AKAP6: variants seen among roughly 807,000 people sequenced by gnomAD.
The protein encoded by AKAP6 is A-kinase anchor protein 6.
AKAP6 carries 58 observed loss-of-function variants against 188.5 expected under a neutral mutation model. That is an observed-to-expected ratio of 0.31 (90% CI 0.25 to 0.38). The LOEUF is 0.38. Among genes scored for constraint, AKAP6 ranks in the 10% least tolerant of loss-of-function variants. The pLI is 1.00. For missense variants in AKAP6, 2,710 were observed against 2,740.0 expected (o/e 0.99, Z 0.24); for synonymous variants, 989 against 998.6 (o/e 0.99, Z 0.18).
intron 2 of AKAP6, among the ~76,000 whole-genome samples, chr14:32,463,118 AC>A (rs1408484369): frequency 6.6e-6 from 1 of 152,246 alleles, no homozygotes; most frequent in East Asian, 1.9e-4. Context: ...TTAGAGACTG[AC>A]AAAGAGACTT....
intron 9 of AKAP6, among the ~76,000 whole-genome samples, chr14:32,719,929 A>C (rs1318310771): frequency 6.6e-6 from 1 of 152,126 alleles, no homozygotes; most frequent in Non-Finnish European, 1.5e-5. Context: ...GATTTAAACA[A>C]ACTTGGTGCC....
intron 7 of AKAP6, among the ~76,000 whole-genome samples, chr14:32,655,056 G>A (rs943845241): frequency 2.6e-5 from 4 of 152,134 alleles, no homozygotes; most frequent in South Asian, 2.1e-4. Context: ...AGAAAAATTC[G>A]TCAAATAGGA....
At chr14:32,653,922 C>A (rs907301319) in intron 7 of AKAP6, among the ~76,000 whole-genome samples, 1 of 152,088 alleles carries the variant, frequency 6.6e-6, no homozygotes, top group African/African-American at 2.4e-5. Flanking sequence ...GTGGCACTTT[C>A]TGAGTTTCTG....
intron 7 of AKAP6, among the ~76,000 whole-genome samples, chr14:32,615,940 A>T (rs755543665): frequency 1.3e-5 from 2 of 152,142 alleles, no homozygotes; most frequent in Non-Finnish European, 2.9e-5. Flanking sequence ...CTACATGGTG[A>T]CTTTGTTCAC....
At chr14:32,397,529 C>T (rs988139093) in intron 1 of AKAP6, among the ~76,000 whole-genome samples, 6 of 152,062 alleles carry the variant, frequency 3.9e-5, no homozygotes, top group African/African-American at 1.2e-4. Flanking sequence ...AGGTGCTTGC[C>T]ACTGTTCCTG....
chr14:32,694,296 G>A (rs1890305149), intron 8 of AKAP6, among the ~76,000 whole-genome samples: 1 of 151,676 alleles, frequency 6.6e-6, no homozygotes. Context: ...GGGAGGCGGA[G>A]CTTGCAGTAG....
At chr14:32,779,415 C>CA (rs56103737) in intron 12 of AKAP6, among the ~76,000 whole-genome samples, 26,087 of 105,240 alleles carry the variant, frequency 0.25, 3,892 homozygotes, top group East Asian at 0.48. Context: ...GTCTCAGGAC[C>CA]AAAAAAAAAA....
intron 12 of AKAP6, among the ~76,000 whole-genome samples, chr14:32,812,221 C>T (rs1457867630): frequency 6.6e-6 from 1 of 152,104 alleles, no homozygotes; most frequent in African/African-American, 2.4e-5. Context: ...ACAGATTTAC[C>T]ATGTGGTAGA....
intron 1 of AKAP6, chr14:32,417,954 G>A (rs554958292): frequency 1.3e-5 from 2 of 152,200 alleles, no homozygotes; most frequent in South Asian, 4.2e-4. Flanking sequence ...AGAGGACCTC[G>A]AGTATCCAAA....
rs539710933 is a variant in AKAP6, at chr14:32,824,650, C to A, written c.6837C>A (p.Asp2279Glu). Reference sequence around the variant, plus strand: ...CTTCAGCCAAATCTAAAGTTCAAGACCTCTCCTTGAAGGCAAATCAGCCAA... The same window carrying A: ...CTTCAGCCAAATCTAAAGTTCAAGAACTCTCCTTGAAGGCAAATCAGCCAA... Reference protein sequence around the residue: ...NAASAKSKVQDLSLKANQPTD... With the variant: ...NAASAKSKVQELSLKANQPTD... The change falls in exon 13 of 14, where the codon GAC (aspartate) becomes GAA (glutamate). Residue 2279 changes from aspartate (D) to glutamate (E), a missense_variant. Around this residue, in one of 2 missense-constraint regions of AKAP6, gnomAD observed 2,473 missense variants for 2,426.1 expected, o/e 1.02. Transcript: ENST00000280979. The A allele has an allele frequency of 1.2e-6, 2 of 1,613,786 alleles. No individual in the cohort carries two copies. The highest frequency in any genetic ancestry group is 1.7e-6 in the Non-Finnish European group (2 of 1,179,916).
intron 7 of AKAP6, among the ~76,000 whole-genome samples, chr14:32,607,219 T>C (rs1443301298): frequency 1.3e-5 from 2 of 152,368 alleles, no homozygotes; most frequent in East Asian, 3.9e-4. Context: ...GTATTGGATC[T>C]GCATTCTTTT....
intron 2 of AKAP6, among the ~76,000 whole-genome samples, chr14:32,486,519 A>T (rs1462048981): frequency 6.6e-6 from 1 of 152,154 alleles, no homozygotes; most frequent in Admixed American, 6.5e-5. Context: ...TTCTCCTTGA[A>T]GAGATCCTTC....
intron 2 of AKAP6, among the ~76,000 whole-genome samples, chr14:32,498,954 T>C (rs1404669825): frequency 6.6e-6 from 1 of 152,026 alleles, no homozygotes; most frequent in African/African-American, 2.4e-5. Flanking sequence ...TTTTTTTTGG[T>C]CCATGTCTGG....
Position 32,824,182 on chromosome 14 carries a change from G to A in AKAP6, c.6369G>A (p.Gly2123=). 6.2e-7 allele frequency: 1 copy of A among 1,613,938 alleles called. No homozygotes were observed. The highest frequency in any genetic ancestry group is 8.5e-7 in the Non-Finnish European group (1 of 1,179,926). The part of the protein sequence containing the change: ...LSLSSHDSDC[G]EVTNYIEEKS... Reference sequence around the variant, plus strand: ...TCTCATCTCATGACAGTGATTGTGGGGAGGTCACCAATTACATAGAAGAGA... The same window carrying A: ...TCTCATCTCATGACAGTGATTGTGGAGAGGTCACCAATTACATAGAAGAGA... The change falls in exon 13 of 14, where the codon GGG becomes GGA. Residue 2123 remains glycine, a synonymous_variant. Coordinates refer to ENST00000280979, the MANE Select transcript of AKAP6 (RefSeq NM_004274.5).
chr14:32,689,363 A>C (rs1890070268), intron 8 of AKAP6, among the ~76,000 whole-genome samples: 2 of 152,160 alleles, frequency 1.3e-5, no homozygotes, highest in African/African-American at 4.8e-5. Context: ...GTTGGTGGAC[A>C]GATGGTCCAC....
chr14:32,741,910 G>A (rs1229844781), intron 11 of AKAP6, among the ~76,000 whole-genome samples: 5 of 141,850 alleles, frequency 3.5e-5, no homozygotes, highest in Non-Finnish European at 3.0e-5. Flanking sequence ...TTGGAAGTAT[G>A]CCCTCCTCTA....
chr14:32,548,629 A>G (rs1566569831), intron 4 of AKAP6, among the ~76,000 whole-genome samples: 2 of 152,116 alleles, frequency 1.3e-5, no homozygotes. Context: ...AAACAGACAG[A>G]CACAGATAGA....
chr14:32,384,613 C>T (rs763324239), intron 1 of AKAP6, among the ~76,000 whole-genome samples: 30 of 152,118 alleles, frequency 2.0e-4, no homozygotes, highest in Non-Finnish European at 2.9e-5. Context: ...AGTTTCCTAG[C>T]CTCAGGCTGG....
chr14:32,547,169 G>A (rs553126617), intron 4 of AKAP6, among the ~76,000 whole-genome samples, 170 bp downstream of exon 4: 1 of 152,348 alleles, frequency 6.6e-6, no homozygotes, highest in African/African-American at 2.4e-5. Flanking sequence ...GTGACAAAGA[G>A]TATGAATCAC....
Sources: allele counts gnomAD v4.1 joint callset (sites outside exome capture counted in the v4.1 genomes callset), GRCh38; gene constraint gnomAD v4.1.1; regional missense constraint gnomAD v4.1.1; transcripts MANE v1.5; gene names NCBI Gene and HGNC (gene_info 2026-07-23, HGNC 2026-07-21).